MFN1: variants seen among roughly 807,000 people sequenced by gnomAD.
MFN1 encodes the protein mitofusin 1.
MFN1 carries 65 observed loss-of-function variants against 92.4 expected under a neutral mutation model. That is an observed-to-expected ratio of 0.70 (90% confidence interval 0.58 to 0.86). MFN1 has a LOEUF of 0.86. MFN1 is among the 40% of genes least tolerant of loss of function. The probability of loss-of-function intolerance (pLI) is 0.00; values close to 1 mark genes in which losing one functional copy is unlikely to be tolerated. For missense variants in MFN1, 781 were observed against 868.0 expected, an observed-to-expected ratio of 0.90 and a Z score of 1.26; for synonymous variants, 297 against 300.9, an observed-to-expected ratio of 0.99 and a Z score of 0.13.
intron 14 of MFN1, among the ~76,000 whole-genome samples, chr3:179,380,939 C>T (rs1713441797): frequency 9.6e-6 from 1 of 103,980 alleles, no homozygotes; most frequent in South Asian, 3.2e-4. Context: ...GTCAAGTGAG[C>T]TCCTTATGCA....
At chr3:179,366,636 C>T (rs1463375010) in intron 7 of MFN1, among the ~76,000 whole-genome samples, 1 of 152,120 alleles carries the variant, frequency 6.6e-6, no homozygotes, top group Non-Finnish European at 1.5e-5. Flanking sequence ...TGTTTTATAT[C>T]CTCCTGTCAT....
At chr3:179,367,978 A>G in intron 8 of MFN1, 58 bp from the exon 9 acceptor site, 5 of 1,085,302 alleles carry the variant, frequency 4.6e-6, no homozygotes, top group Non-Finnish European at 6.1e-6. Flanking sequence ...TCAGTAGCCT[A>G]CCAGAAAACA....
rs543962595 is a variant in MFN1, at chr3:179,369,140, C to T, written c.975+1037C>T. Among the ~76,000 whole-genome samples, 6 of 152,232 alleles carry T rather than the reference C, an allele frequency of 3.9e-5. No homozygotes were observed. The East Asian group carries it at 9.6e-4, about 24-fold the overall frequency. On this transcript the variant is annotated intron_variant, in intron 9 of 17. Coordinates refer to ENST00000471841, the MANE Select transcript of MFN1 (RefSeq NM_033540.3). ...CAAGCTATAGGATACGTGAAGTCCC[C>T]GTTACTCAAAGACTATTGTTTGTTT... is the stretch of plus-strand genomic sequence containing the variant.
chr3:179,369,886 T>G (rs1286626126), intron 9 of MFN1, among the ~76,000 whole-genome samples: 2 of 152,192 alleles, frequency 1.3e-5, no homozygotes, highest in Non-Finnish European at 2.9e-5. Context: ...TGGAAAAAAT[T>G]GCTTATGAGC....
Position 179,352,017 on chromosome 3 carries a change from A to C in MFN1, c.230A>C (p.Lys77Thr). Residue 77 changes from lysine to threonine, a missense_variant, in exon 3 of 18, where the codon AAG (lysine) becomes ACG (threonine). Lys to Thr is a moderately conservative substitution (Grantham distance 78). Coordinates refer to ENST00000471841, the MANE Select transcript of MFN1 (RefSeq NM_033540.3). ...GAGGTGCTATCTCGGAGACACATGA[A>C]GGTGGCATTTTTTGGCAGGTAATTA... ...IGEVLSRRHM[K>T]VAFFGRTSSG... 6.3e-7 allele frequency: 1 copy of C among 1,593,772 alleles called. No individual in the cohort carries two copies. The highest frequency in any genetic ancestry group is 8.6e-7 in the Non-Finnish European group (1 of 1,166,108).
intron 9 of MFN1, among the ~76,000 whole-genome samples, chr3:179,371,577 CTG>C (rs1713024656): frequency 6.6e-6 from 1 of 152,116 alleles, no homozygotes; most frequent in African/African-American, 2.4e-5. Flanking sequence ...TGTTTTAAAA[CTG>C]TATTTGGAAA....
chr3:179,351,858 A>G lies in MFN1; in HGVS notation c.113-42A>G, dbSNP rs146980003. 3,644 of 1,561,830 alleles carry G rather than the reference A, an allele frequency of 2.3e-3. 9 individuals carry two copies. The highest frequency in any genetic ancestry group is 2.4e-3 in the Non-Finnish European group (2,735 of 1,144,748). The stretch of plus-strand genomic sequence containing the variant: ...TATTCCATTATATAACTAACTTAAT[A>G]TTCATTTATATCACTTTTCTAATGC... On this transcript the variant is annotated intron_variant, in intron 2 of 17. Transcript: ENST00000471841.
In MFN1 at chr3:179,385,219, C is replaced by CT. The variant is rs11302834; in HGVS notation, c.1663-336dup. 7.6e-5 allele frequency among the ~76,000 whole-genome samples: 11 copies of CT among 145,160 alleles called. 1 individual carries two copies. The highest frequency in any genetic ancestry group is 4.0e-4 in the East Asian group (2 of 5,000). ...TGAGCCACCGCGCCCGGCCGAAGTC[C>CT]TTTTTTTTTTTTTTAGTTTATCATT... On this transcript the variant is annotated intron_variant, in intron 14 of 17. Transcript: ENST00000471841.
chr3:179,394,266 T>C lies in MFN1; in HGVS notation c.*2207T>C, dbSNP rs1714009228. 1.3e-5 allele frequency: 2 copies of C among 152,230 alleles called. No individual in the cohort carries two copies. Among genetic ancestry groups the C allele is most frequent in the African/African-American group, 2.4e-5 (1 of 41,438 alleles). 9.4% of individuals were successfully genotyped at this position (152,230 alleles called of 1,614,324 possible). On this transcript the variant is annotated 3_prime_UTR_variant, in exon 18 of 18. Coordinates refer to ENST00000471841, the MANE Select transcript of MFN1 (RefSeq NM_033540.3). ...TGGTTTAACAAGCCATCCAGGTGTTTCTGATGCACAGTGAAATTGGGGTAC... is the reference window on the plus strand; with the variant it reads ...TGGTTTAACAAGCCATCCAGGTGTTCCTGATGCACAGTGAAATTGGGGTAC...
intron 1 of MFN1, among the ~76,000 whole-genome samples, chr3:179,348,604 A>G (rs772415478): frequency 9.2e-5 from 14 of 152,236 alleles, no homozygotes; most frequent in Non-Finnish European, 1.6e-4. Context: ...CACCAAAGGG[A>G]AATTGAGTAG....
At chr3:179,370,389 G>GTTTTTT (rs1354406941) in intron 9 of MFN1, among the ~76,000 whole-genome samples, 5 of 96,796 alleles carry the variant, frequency 5.2e-5, no homozygotes, top group Middle Eastern at 5.8e-3. Context: ...CATTCACTAA[G>GTTTTTT]TTCTTTTTTT....
intron 16 of MFN1, among the ~76,000 whole-genome samples, chr3:179,389,783 T>C (rs142989476): frequency 4.7e-4 from 72 of 152,282 alleles, no homozygotes; most frequent in African/African-American, 1.7e-3. Flanking sequence ...ATGTAGCTTA[T>C]TCATGTTCAC....
Position 179,348,877 on chromosome 3 carries a change from A to C in MFN1, c.26A>C (p.Lys9Thr). MAEPVSPL[K>T]HFVLAKKAIT... ...ATGGCAGAACCTGTTTCTCCACTGA[A>C]GCACTTTGTGCTGGCTAAGAAGGCG... is the stretch of plus-strand genomic sequence containing the variant. The change falls in exon 2 of 18, where the codon AAG (lysine) becomes ACG (threonine). Residue 9 changes from lysine to threonine, a missense_variant. Lys to Thr is a moderately conservative substitution (Grantham distance 78, BLOSUM62 -1). Coordinates refer to ENST00000471841, the MANE Select transcript of MFN1 (RefSeq NM_033540.3). The C allele has an allele frequency of 6.2e-7, 1 of 1,610,078 alleles. No homozygotes were observed. The highest frequency in any genetic ancestry group is 1.1e-5 in the South Asian group (1 of 90,772).
chr3:179,365,164 A>C lies in MFN1; in HGVS notation c.692A>C (p.Asn231Thr), dbSNP rs774606992. The C allele has an allele frequency of 3.2e-6, 5 of 1,558,984 alleles. No homozygotes were observed. Among genetic ancestry groups the C allele is most frequent in the Non-Finnish European group, 3.4e-6 (4 of 1,161,448 alleles). ...HKVNERLSKP[N>T]IFILNNRWDA... The stretch of plus-strand genomic sequence containing the variant: ...GTGAATGAGCGGCTTTCCAAGCCTA[A>C]TATTTTCATTCTCAATAATCGTTGG... The change falls in exon 7 of 18, where the codon AAT becomes ACT. Residue 231 changes from asparagine (N) to threonine (T), a missense_variant. By Grantham distance (65) the Asn-to-Thr change is moderately conservative. Coordinates refer to ENST00000471841, the MANE Select transcript of MFN1 (RefSeq NM_033540.3).
chr3:179,375,200 A>T lies in MFN1; in HGVS notation c.976-20A>T. On this transcript the variant is annotated intron_variant, in intron 9 of 17. Coordinates refer to ENST00000471841, the MANE Select transcript of MFN1 (RefSeq NM_033540.3). Reference sequence around the variant, plus strand: ...TGCGATGGAATTACAGTAATGTGTTACGGCTTGGGCCCCTCGCAGGAGTGT... The same window carrying T: ...TGCGATGGAATTACAGTAATGTGTTTCGGCTTGGGCCCCTCGCAGGAGTGT... 1 of 1,599,280 alleles carries T rather than the reference A, an allele frequency of 6.3e-7. No individual in the cohort carries two copies. The highest frequency in any genetic ancestry group is 8.5e-7 in the Non-Finnish European group (1 of 1,174,180).
intron 10 of MFN1, 56 bp downstream of exon 10, chr3:179,375,397 TTAAGA>T: frequency 6.3e-7 from 1 of 1,599,808 alleles, no homozygotes; most frequent in Non-Finnish European, 8.5e-7. Context: ...CAGACTTTTG[TTAAGA>T]TGAGGTTTTA....
rs900376954 is a variant in MFN1 at position 179,394,583 on chromosome 3, T to C, written c.*2524T>C. On this transcript the variant is annotated 3_prime_UTR_variant, in exon 18 of 18. Transcript: ENST00000471841. ...GGCGCCCGCCACCACGCCCGGCTAA[T>C]TTTTTGTATTTTTAGTAGAGACGGG... 1.9e-4 allele frequency: 29 copies of C among 151,372 alleles called. No individual in the cohort carries two copies. The highest frequency in any genetic ancestry group is 4.1e-4 in the Non-Finnish European group (28 of 67,838). 9.4% of individuals were successfully genotyped at this position (151,372 alleles called of 1,614,324 possible).
At chr3:179,366,564 C>A (rs960198836) in intron 7 of MFN1, among the ~76,000 whole-genome samples, 1 of 152,136 alleles carries the variant, frequency 6.6e-6, no homozygotes, top group African/African-American at 2.4e-5. Flanking sequence ...TATCCCATCA[C>A]TGTTCACATG....
intron 3 of MFN1, among the ~76,000 whole-genome samples, chr3:179,355,571 C>T (rs1712316740): frequency 6.6e-6 from 1 of 152,108 alleles, no homozygotes; most frequent in Non-Finnish European, 1.5e-5. Flanking sequence ...TGATTGAGAT[C>T]ACAGGAGTTG....
Sources: gnomAD v4.1 joint callset for allele counts (sites outside exome capture counted in the v4.1 genomes callset) on GRCh38, gnomAD v4.1.1 for gene constraint, MANE v1.5 for transcripts, NCBI Gene and HGNC (gene_info 2026-07-23, HGNC 2026-07-21) for gene names.